The following OSBPL7 variants were observed in gnomAD, a reference collection of about 807,000 sequenced individuals.
The protein encoded by OSBPL7 is oxysterol binding protein like 7, also known as oxysterol-binding protein-related protein 7.
OSBPL7 carries 66 observed loss-of-function variants against 115.8 expected under a neutral mutation model. The ratio of observed to expected loss-of-function variants is 0.57; its 90% CI spans 0.47 to 0.70. OSBPL7 has a LOEUF of 0.70. Ranked by LOEUF, OSBPL7 falls within the 30% of genes least tolerant of loss-of-function variation. The pLI is 0.00. For missense variants in OSBPL7, 902 were observed against 1,125.5 expected, an observed-to-expected ratio of 0.80 and a Z score of 2.84; for synonymous variants, 441 against 439.2, an observed-to-expected ratio of 1.00 and a Z score of -0.05.
rs199572845 is a variant in OSBPL7 at position 47,814,659 on chromosome 17, G to A, written c.1258-45C>T. On this transcript the variant is annotated intron_variant, in intron 13 of 22. Coordinates refer to ENST00000007414, the MANE Select transcript of OSBPL7 (RefSeq NM_145798.3). ...AGGCCGGGCAGACTGGGCCTCCCCC[G>A]GGCAGCTGGGCAGTGCCCAGGGCCT... 205 of 1,556,174 alleles carry A rather than the reference G, an allele frequency of 1.3e-4. No individual in the cohort carries two copies. In the African/African-American group the frequency reaches 2.1e-3, roughly 16 times the overall value.
chr17:47,808,202 C>A lies in OSBPL7; in HGVS notation c.*89G>T. On this transcript the variant is annotated 3_prime_UTR_variant, in exon 23 of 23. Transcript: ENST00000007414. The surrounding 1 kb of genome is among the most constrained non-coding windows in gnomAD (Gnocchi z 6.1). Reference sequence around the variant, plus strand: ...CCCTTTGGTCTCAAGGGCAGTGAGGCGGGGAGCCCGGCCTCACCCATGTGT... The same window carrying A: ...CCCTTTGGTCTCAAGGGCAGTGAGGAGGGGAGCCCGGCCTCACCCATGTGT... The A allele has an allele frequency of 9.8e-7, 1 of 1,017,122 alleles. No homozygotes were observed. The highest frequency in any genetic ancestry group is 1.4e-5 in the South Asian group (1 of 71,332). The allele number at this position is 1,017,122 out of a possible 1,614,324, so 63.0% of individuals were successfully genotyped here. A position where few individuals can be genotyped will look rare whatever the true frequency, so the allele number is the denominator to read the frequency against.
intron 4 of OSBPL7, 84 bp downstream of exon 4, chr17:47,819,645 G>T (rs1267212378): frequency 1.3e-6 from 2 of 1,525,974 alleles, no homozygotes; most frequent in Admixed American, 1.7e-5. Context: ...ACCCTGCTCT[G>T]GTCGATTCCA....
At position 47,808,263 on chromosome 17, in the gene OSBPL7, C is replaced by G. The variant is rs2143514158; in HGVS notation, c.*28G>C. The G allele has an allele frequency of 6.4e-7, 1 of 1,555,260 alleles. No individual in the cohort carries two copies. Among genetic ancestry groups the G allele is most frequent in the Non-Finnish European group, 8.9e-7 (1 of 1,129,584 alleles). On this transcript the variant is annotated 3_prime_UTR_variant, in exon 23 of 23. Coordinates refer to ENST00000007414, the MANE Select transcript of OSBPL7 (RefSeq NM_145798.3). The surrounding 1 kb of genome is among the most constrained non-coding windows in gnomAD (Gnocchi z 6.1). Reference sequence around the variant, plus strand: ...GGGTGGAGGCAGGAGGAGTGAGGAACCAGAGCCTCCTGCCCCCGGGGCCAG... The same window carrying G: ...GGGTGGAGGCAGGAGGAGTGAGGAAGCAGAGCCTCCTGCCCCCGGGGCCAG...
At chr17:47,821,100 G>A (rs1035213641) in intron 1 of OSBPL7, among the ~76,000 whole-genome samples, 5 of 152,198 alleles carry the variant, frequency 3.3e-5, no homozygotes, top group South Asian at 2.1e-4. Flanking sequence ...AGAGAAGAGG[G>A]GGCCCAGGAC....
Position 47,814,525 on chromosome 17 carries a change from C to T in OSBPL7, c.1347G>A (p.Gln449=). ...GCCTGCCCACCCAGCTGGCACCTTT[C>T]TGACAGCGCTCAGCTCCCCTGAGGT... is the stretch of plus-strand genomic sequence containing the variant. ...MLDLRGAERC[Q]KGGCVPGRPM... Residue 449 remains glutamine, a synonymous_variant, in exon 14 of 23, where the codon CAG becomes CAA. Coordinates refer to ENST00000007414, the MANE Select transcript of OSBPL7 (RefSeq NM_145798.3). The T allele has an allele frequency of 7.9e-7, 1 of 1,260,180 alleles. No individual in the cohort carries two copies. 78.1% of individuals were successfully genotyped at this position (1,260,180 alleles called of 1,614,324 possible).
intron 17 of OSBPL7, 22 bp downstream of exon 17, chr17:47,810,750 G>C (rs199760789): frequency 1.2e-6 from 2 of 1,613,686 alleles, no homozygotes; most frequent in Admixed American, 3.3e-5. Flanking sequence ...GGGCCACCCC[G>C]GCCCTGCCCT....
At chr17:47,815,149 A>T in intron 13 of OSBPL7, 66 bp downstream of exon 13, 1 of 1,558,982 alleles carries the variant, frequency 6.4e-7, no homozygotes. Context: ...GTCTCTGTGG[A>T]CCCCACCCTT....
At chr17:47,809,674 C>T (rs549891578) in intron 18 of OSBPL7, among the ~76,000 whole-genome samples, 196 bp from the exon 19 acceptor site, 6 of 152,192 alleles carry the variant, frequency 3.9e-5, no homozygotes, top group Non-Finnish European at 8.8e-5. Context: ...ACGAAAACAT[C>T]TCCACTCATC....
intron 18 of OSBPL7, among the ~76,000 whole-genome samples, chr17:47,809,947 T>C (rs905939111): frequency 2.0e-5 from 3 of 150,258 alleles, no homozygotes; most frequent in Non-Finnish European, 3.0e-5. Flanking sequence ...TCTTGCTCTG[T>C]TGCCCAGGCA....
chr17:47,818,153 G>C (rs919667779), intron 7 of OSBPL7, 116 bp downstream of exon 7: 1 of 870,828 alleles, frequency 1.1e-6, no homozygotes, highest in Non-Finnish European at 1.8e-6. Context: ...CTTGGAGGCA[G>C]AGGCTGTCTC....
chr17:47,815,492 G>A lies in OSBPL7; in HGVS notation c.1120-140C>T, dbSNP rs185490398. 17 of 1,097,876 alleles carry A rather than the reference G, an allele frequency of 1.5e-5. No individual in the cohort carries two copies. In the East Asian group the frequency reaches 4.2e-4, roughly 27 times the overall value. The allele number at this position is 1,097,876 out of a possible 1,614,324, so 68.0% of individuals were successfully genotyped here. On this transcript the variant is annotated intron_variant, in intron 12 of 22. Coordinates refer to ENST00000007414, the MANE Select transcript of OSBPL7 (RefSeq NM_145798.3). ...TGAGTCAGACACCTTCTGAGCAGAA[G>A]AGGCAGAGAGGAGTGAGAGCGGGAC...
chr17:47,808,438 TAGAA>T lies in OSBPL7; in HGVS notation c.2421-43_2421-40del. On this transcript the variant is annotated intron_variant, in intron 22 of 22. Coordinates refer to ENST00000007414, the MANE Select transcript of OSBPL7 (RefSeq NM_145798.3). This position sits in a 1 kb window ranked among gnomAD's most constrained non-coding sequence, Gnocchi z 6.1. ...GCGGTGGCAGTGAGGGGTGAACATCTAGAAGGCAGGCTAGGGTCCTAAGGTGCTG... is the reference window on the plus strand; with the variant it reads ...GCGGTGGCAGTGAGGGGTGAACATCTGGCAGGCTAGGGTCCTAAGGTGCTG... 1 of 1,613,814 alleles carries T rather than the reference TAGAA, an allele frequency of 6.2e-7. No homozygotes were observed. The highest frequency in any genetic ancestry group is 8.5e-7 in the Non-Finnish European group (1 of 1,179,728).
chr17:47,814,479 A>ACCCCCCACC, intron 14 of OSBPL7, 42 bp downstream of exon 14: 3 of 1,086,692 alleles, frequency 2.8e-6, no homozygotes, highest in Non-Finnish European at 4.2e-6. Flanking sequence ...CTGTTTTTCC[A>ACCCCCCACC]CCCGCCTCCC....
At chr17:47,815,447 G>A in intron 12 of OSBPL7, 95 bp from the exon 13 acceptor site, 12 of 1,514,856 alleles carry the variant, frequency 7.9e-6, no homozygotes, top group Non-Finnish European at 1.1e-5. Context: ...TGAGAGGGAG[G>A]CATAACCGGG....
Position 47,809,062 on chromosome 17 carries a change from A to G in OSBPL7, c.2170+14T>C. On this transcript the variant is annotated intron_variant, in intron 20 of 22. Transcript: ENST00000007414. ...CTCCAGCCTCACCCAGCCCTCTGTG[A>G]CCCCTCCACTTACTGGGTTTCCAGA... 1.2e-6 allele frequency: 2 copies of G among 1,613,490 alleles called. No homozygotes were observed. The highest frequency in any genetic ancestry group is 2.2e-5 in the South Asian group (2 of 91,056).
rs1219895245 is a variant in OSBPL7, at chr17:47,809,134, C to A, written c.2112G>T (p.Lys704Asn). 1 of 1,614,198 alleles carries A rather than the reference C, an allele frequency of 6.2e-7. No individual in the cohort carries two copies. The change falls in exon 20 of 23, where the codon AAG (lysine) becomes AAT (asparagine). Residue 704 changes from lysine to asparagine, a missense_variant. By Grantham distance (94) the Lys-to-Asn change is moderately conservative. Around this residue, in one of 3 missense-constraint regions of OSBPL7, gnomAD observed 230 missense variants for 312.7 expected, o/e 0.74. Coordinates refer to ENST00000007414, the MANE Select transcript of OSBPL7 (RefSeq NM_145798.3). Reference sequence around the variant, plus strand: ...GTCCCCGGTACAGCCCCTCGTGCCACTTCCCAAAGAGTCGGTGGAGGACAC... The same window carrying A: ...GTCCCCGGTACAGCCCCTCGTGCCAATTCCCAAAGAGTCGGTGGAGGACAC... ...SGRVLHRLFG[K>N]WHEGLYRGPT...
At chr17:47,814,978 C>T (rs1254037885) in intron 13 of OSBPL7, 1 of 587,518 alleles carries the variant, frequency 1.7e-6, no homozygotes, top group African/African-American at 1.9e-5. Flanking sequence ...GCAACTATGG[C>T]AGTAGTTTCA....
chr17:47,819,435 C>G (rs1372419700), intron 4 of OSBPL7: 2 of 573,328 alleles, frequency 3.5e-6, no homozygotes, highest in Non-Finnish European at 6.2e-6. Context: ...AGAATGGGAC[C>G]AGGATGAGGG....
chr17:47,815,214 C>T lies in OSBPL7; in HGVS notation c.1257+1G>A. 1 of 1,612,086 alleles carries T rather than the reference C, an allele frequency of 6.2e-7. No individual in the cohort carries two copies. The highest frequency in any genetic ancestry group is 8.5e-7 in the Non-Finnish European group (1 of 1,178,692). On this transcript the variant is annotated splice_donor_variant, in intron 13 of 22. Transcript: ENST00000007414. LOFTEE classifies it high-confidence loss of function. ...CACTGCCAGCTTCTCTCCTCCCTCA[C>T]CTCATTCTCAGAAGAGCTGGCGGAG...
Sources: allele counts gnomAD v4.1 joint callset (sites outside exome capture counted in the v4.1 genomes callset), GRCh38; gene constraint gnomAD v4.1.1; regional missense constraint gnomAD v4.1.1; non-coding constraint Gnocchi (gnomAD v3.1); transcripts MANE v1.5; gene names NCBI Gene and HGNC (gene_info 2026-07-23, HGNC 2026-07-21).